FMNL2: variants seen among roughly 807,000 people sequenced by gnomAD.
The protein encoded by FMNL2 is formin like 2.
Under a neutral mutation model 130.2 loss-of-function variants are expected in FMNL2, and 51 were observed. The observed-to-expected ratio is 0.39, with a 90% CI of 0.31 to 0.49. The LOEUF is 0.49. Among genes scored for constraint, FMNL2 ranks in the 20% least tolerant of loss-of-function variants. The pLI, the probability that FMNL2 is intolerant of heterozygous loss-of-function variation, is 0.85. For missense variants in FMNL2, 977 were observed against 1,316.2 expected, an observed-to-expected ratio of 0.74 and a Z score of 3.99; for synonymous variants, 465 against 467.1, an observed-to-expected ratio of 1.00 and a Z score of 0.06.
intron 6 of FMNL2, among the ~76,000 whole-genome samples, chr2:152,561,604 G>A (rs1356415681): frequency 1.4e-5 from 2 of 146,484 alleles, no homozygotes; most frequent in Non-Finnish European, 3.0e-5. Flanking sequence ...ATGGAATCTC[G>A]CTCTTGTTAT....
At chr2:152,340,610 A>G (rs1272265972) in intron 1 of FMNL2, among the ~76,000 whole-genome samples, 1 of 152,238 alleles carries the variant, frequency 6.6e-6, no homozygotes, top group Non-Finnish European at 1.5e-5. Context: ...AATCAGAAGG[A>G]ATAGGCAACC....
intron 1 of FMNL2, among the ~76,000 whole-genome samples, chr2:152,480,271 A>AT (rs1484670635): frequency 2.0e-5 from 3 of 152,120 alleles, no homozygotes; most frequent in Non-Finnish European, 2.9e-5. Flanking sequence ...ATAATCTTGC[A>AT]TTTTTTTGTC....
At chr2:152,520,841 A>G (rs887398465) in intron 1 of FMNL2, among the ~76,000 whole-genome samples, 2 of 152,198 alleles carry the variant, frequency 1.3e-5, no homozygotes, top group African/African-American at 4.8e-5. Flanking sequence ...GACAATAACC[A>G]TGACCAGGGG....
At chr2:152,625,681 A>C in intron 16 of FMNL2, 119 bp downstream of exon 16, 2 of 1,195,908 alleles carry the variant, frequency 1.7e-6, no homozygotes, top group Non-Finnish European at 2.3e-6. Flanking sequence ...CCCCTGATGT[A>C]AAGAAGAAAC....
At chr2:152,447,348 C>T (rs1279909162) in intron 1 of FMNL2, among the ~76,000 whole-genome samples, 1 of 152,138 alleles carries the variant, frequency 6.6e-6, no homozygotes, top group Non-Finnish European at 1.5e-5. Flanking sequence ...AGCCATCCTC[C>T]CACCTTGGCT....
At chr2:152,622,237 T>C (rs1172323165) in intron 15 of FMNL2, among the ~76,000 whole-genome samples, 1 of 152,194 alleles carries the variant, frequency 6.6e-6, no homozygotes, top group Non-Finnish European at 1.5e-5. Context: ...TGATTGTTTT[T>C]CATGTAAAAA....
intron 25 of FMNL2, chr2:152,643,688 T>A (rs1235522467): frequency 2.1e-6 from 3 of 1,434,544 alleles, no homozygotes; most frequent in African/African-American, 2.9e-5. Flanking sequence ...CAATTATTAT[T>A]GCTCACTCAC....
chr2:152,379,814 CA>C (rs1441421181), intron 1 of FMNL2, among the ~76,000 whole-genome samples: 1 of 152,114 alleles, frequency 6.6e-6, no homozygotes, highest in Non-Finnish European at 1.5e-5. Flanking sequence ...GTTCCGACTT[CA>C]AAATTTTAAG....
intron 1 of FMNL2, among the ~76,000 whole-genome samples, chr2:152,514,661 A>G (rs1369472330): frequency 6.6e-6 from 1 of 152,182 alleles, no homozygotes; most frequent in Non-Finnish European, 1.5e-5. Flanking sequence ...ATAAAGTTTA[A>G]TTTATAAATT....
intron 1 of FMNL2, among the ~76,000 whole-genome samples, chr2:152,422,404 A>AT (rs1232644640): frequency 2.3e-4 from 35 of 152,296 alleles, no homozygotes; most frequent in African/African-American, 8.4e-4. Flanking sequence ...TTGTGACTTA[A>AT]TAGTTGATTC....
intron 6 of FMNL2, among the ~76,000 whole-genome samples, chr2:152,565,666 C>T (rs550958272): frequency 3.3e-4 from 50 of 152,230 alleles, no homozygotes; most frequent in African/African-American, 1.2e-3. Flanking sequence ...CAAATAATAT[C>T]TTTTCTTTAA....
chr2:152,613,518 G>A (rs1019335161), intron 11 of FMNL2, among the ~76,000 whole-genome samples: 3 of 152,106 alleles, frequency 2.0e-5, no homozygotes, highest in Non-Finnish European at 4.4e-5. Context: ...TCTCTCTTCA[G>A]AATAAGCTGT....
intron 4 of FMNL2, among the ~76,000 whole-genome samples, chr2:152,556,076 T>C (rs1422279184): frequency 1.3e-5 from 2 of 152,178 alleles, no homozygotes; most frequent in Non-Finnish European, 2.9e-5. Flanking sequence ...TCAACTCCAA[T>C]TGAAAATGGC....
chr2:152,420,798 C>A (rs144204545), intron 1 of FMNL2, among the ~76,000 whole-genome samples: 1 of 152,278 alleles, frequency 6.6e-6, no homozygotes, highest in East Asian at 1.9e-4. Flanking sequence ...TGTGACGGTA[C>A]CTTTGTAAGT....
At chr2:152,586,430 T>C (rs1258215413) in intron 9 of FMNL2, among the ~76,000 whole-genome samples, 3 of 152,194 alleles carry the variant, frequency 2.0e-5, no homozygotes, top group African/African-American at 7.2e-5. Flanking sequence ...GTGGACCAAA[T>C]TGGGCAGGAA....
chr2:152,563,570 G>A (rs1034679878), intron 6 of FMNL2, among the ~76,000 whole-genome samples: 2 of 152,086 alleles, frequency 1.3e-5, no homozygotes, highest in Non-Finnish European at 2.9e-5. Flanking sequence ...AGAAGTACAG[G>A]CATATGGTAC....
At chr2:152,643,588 C>G in intron 25 of FMNL2, 2 of 1,523,724 alleles carry the variant, frequency 1.3e-6, no homozygotes, top group Non-Finnish European at 1.8e-6. Context: ...CTCTGTGTGT[C>G]TGTCAGGGCC....
chr2:152,573,985 G>C (rs1696323425), intron 6 of FMNL2, among the ~76,000 whole-genome samples: 1 of 152,198 alleles, frequency 6.6e-6, no homozygotes, highest in Non-Finnish European at 1.5e-5. Context: ...TGTTTGGGAA[G>C]TAGAATATTA....
intron 9 of FMNL2, among the ~76,000 whole-genome samples, chr2:152,585,494 G>A (rs1697015016): frequency 6.6e-6 from 1 of 152,170 alleles, no homozygotes; most frequent in Non-Finnish European, 1.5e-5. Context: ...CTAACACATA[G>A]AGGAAAGGGT....
Sources: gnomAD v4.1 joint callset for allele counts (sites outside exome capture counted in the v4.1 genomes callset) on GRCh38, gnomAD v4.1.1 for gene constraint, MANE v1.5 for transcripts, NCBI Gene and HGNC (gene_info 2026-07-23, HGNC 2026-07-21) for gene names.